Variants in SLC30A9 observed in about 807,000 individuals in gnomAD.
SLC30A9 encodes the protein proton-coupled zinc antiporter SLC30A9, mitochondrial.
SLC30A9 carries 58 observed loss-of-function variants against 87.5 expected under a neutral mutation model. The observed-to-expected ratio is 0.66, with a 90% CI of 0.54 to 0.82. SLC30A9 has a LOEUF of 0.82. Ranked by LOEUF, SLC30A9 falls within the 40% of genes least tolerant of loss-of-function variation. The probability of loss-of-function intolerance (pLI) is 0.00; values close to 1 mark genes in which losing one functional copy is unlikely to be tolerated. For missense variants in SLC30A9, 557 were observed against 679.1 expected, an observed-to-expected ratio of 0.82 and a Z score of 2.00; for synonymous variants, 234 against 233.0, an observed-to-expected ratio of 1.00 and a Z score of -0.04.
At chr4:41,994,469 G>A (rs570456848) in intron 1 of SLC30A9, among the ~76,000 whole-genome samples, 2 of 150,506 alleles carry the variant, frequency 1.3e-5, no homozygotes, top group South Asian at 4.2e-4. Context: ...ATTTGAGAGG[G>A]GAAGACACTT....
intron 14 of SLC30A9, among the ~76,000 whole-genome samples, chr4:42,069,291 T>G (rs756674106): frequency 6.6e-6 from 1 of 152,220 alleles, no homozygotes; most frequent in Non-Finnish European, 1.5e-5. Context: ...AATTAAATTT[T>G]TCTTAATTAG....
At chr4:42,053,946 C>T (rs929948501) in intron 9 of SLC30A9, among the ~76,000 whole-genome samples, 8 of 151,992 alleles carry the variant, frequency 5.3e-5, no homozygotes, top group Non-Finnish European at 1.2e-4. Context: ...AAAATGGTTG[C>T]GTCTGATGTC....
intron 8 of SLC30A9, among the ~76,000 whole-genome samples, chr4:42,048,880 A>G (rs1717273756): frequency 6.6e-6 from 1 of 152,084 alleles, no homozygotes; most frequent in African/African-American, 2.4e-5. Context: ...CATAATCTAT[A>G]TTTTTTCAAA....
intron 2 of SLC30A9, among the ~76,000 whole-genome samples, chr4:42,002,476 T>C (rs185342909): frequency 6.6e-6 from 1 of 152,186 alleles, no homozygotes; most frequent in Admixed American, 6.5e-5. Context: ...TATCTTTATG[T>C]TCATGTGTAC....
Position 42,088,909 on chromosome 4 carries a change from G to A in SLC30A9, c.*2783G>A, listed in dbSNP as rs1047391300. The A allele has an allele frequency of 1.3e-5, 2 of 152,180 alleles. No homozygotes were observed. The highest frequency in any genetic ancestry group is 2.9e-5 in the Non-Finnish European group (2 of 68,042). 9.4% of individuals were successfully genotyped at this position (152,180 alleles called of 1,614,324 possible). ...AATGAGCTATGATCATGCCACTCCA[G>A]CCTGAATGACAGAGTGAGATCCTGT... is the stretch of plus-strand genomic sequence containing the variant. On this transcript the variant is annotated 3_prime_UTR_variant, in exon 18 of 18. Coordinates refer to ENST00000264451, the MANE Select transcript of SLC30A9 (RefSeq NM_006345.4).
chr4:41,990,813 G>A, intron 1 of SLC30A9, 53 bp downstream of exon 1: 1 of 1,321,530 alleles, frequency 7.6e-7, no homozygotes, highest in Non-Finnish European at 1.1e-6. Flanking sequence ...TGGAGGGCCA[G>A]GCTGGGCTCG....
At chr4:42,030,196 A>G in intron 6 of SLC30A9, 1 of 469,242 alleles carries the variant, frequency 2.1e-6, no homozygotes, top group South Asian at 3.1e-5. Context: ...TTAGTCTTGA[A>G]CAAACTGTCA....
intron 3 of SLC30A9, chr4:42,018,503 CAGGTAG>C: frequency 9.3e-7 from 1 of 1,070,624 alleles, no homozygotes. Context: ...TATTCAAATC[CAGGTAG>C]AGTTTGGCCG....
intron 9 of SLC30A9, among the ~76,000 whole-genome samples, chr4:42,051,713 A>G (rs1717391023): frequency 6.6e-6 from 1 of 152,164 alleles, no homozygotes; most frequent in Non-Finnish European, 1.5e-5. Flanking sequence ...GCCACAGACA[A>G]AAAAGATTGA....
At chr4:42,016,285 G>T (rs186033520) in intron 2 of SLC30A9, among the ~76,000 whole-genome samples, 61 of 152,146 alleles carry the variant, frequency 4.0e-4, no homozygotes, top group African/African-American at 1.3e-3. Context: ...TGTTTTAAGG[G>T]TGAGATTTTT....
chr4:42,075,556 C>G (rs1718516561), intron 15 of SLC30A9, 101 bp from the exon 16 acceptor site: 2 of 1,054,576 alleles, frequency 1.9e-6, no homozygotes, highest in Admixed American at 2.4e-5. Flanking sequence ...ATTCTCGTAA[C>G]TAGTGGGGAA....
intron 8 of SLC30A9, among the ~76,000 whole-genome samples, chr4:42,044,923 A>C (rs903077734): frequency 6.6e-6 from 1 of 152,198 alleles, no homozygotes; most frequent in African/African-American, 2.4e-5. Flanking sequence ...AAAACCGCGC[A>C]ACTACATGGA....
At chr4:42,073,756 A>G (rs1718409510) in intron 15 of SLC30A9, among the ~76,000 whole-genome samples, 2 of 152,182 alleles carry the variant, frequency 1.3e-5, no homozygotes, top group Non-Finnish European at 2.9e-5. Flanking sequence ...GGCAATAGAG[A>G]GCGAGTGTGA....
At chr4:42,009,286 C>CAAGACCTTGTGCA (rs1715344810) in intron 2 of SLC30A9, among the ~76,000 whole-genome samples, 1 of 152,108 alleles carries the variant, frequency 6.6e-6, no homozygotes, top group African/African-American at 2.4e-5. Flanking sequence ...ACCTTGTTAG[C>CAAGACCTTGTGCA]CATCAGACAG....
intron 2 of SLC30A9, among the ~76,000 whole-genome samples, chr4:42,008,772 A>T (rs910889044): frequency 3.9e-5 from 6 of 152,344 alleles, no homozygotes; most frequent in Admixed American, 6.5e-5. Flanking sequence ...TTCACAGGGG[A>T]AGATTTTACA....
intron 2 of SLC30A9, among the ~76,000 whole-genome samples, chr4:42,006,052 A>G (rs953170279): frequency 6.6e-6 from 1 of 152,210 alleles, no homozygotes; most frequent in African/African-American, 2.4e-5. Flanking sequence ...TCTTGTCATT[A>G]TTTCCTAAAC....
chr4:42,084,352 T>C (rs1189857116), intron 17 of SLC30A9, among the ~76,000 whole-genome samples: 2 of 152,216 alleles, frequency 1.3e-5, no homozygotes, highest in African/African-American at 4.8e-5. Flanking sequence ...GGTGTAGATT[T>C]AGTTCTTTTA....
chr4:42,001,911 A>G (rs759923553), intron 2 of SLC30A9, 131 bp downstream of exon 2: 3 of 575,078 alleles, frequency 5.2e-6, no homozygotes, highest in Admixed American at 7.8e-5. Flanking sequence ...TGTGGGAACT[A>G]TTAAAGCACT....
chr4:42,041,240 A>G (rs1161333672), intron 8 of SLC30A9, among the ~76,000 whole-genome samples: 2 of 152,192 alleles, frequency 1.3e-5, no homozygotes, highest in African/African-American at 4.8e-5. Context: ...TGGGAGACAC[A>G]GAGCCAAACC....
Sources: gnomAD v4.1 joint callset for allele counts (sites outside exome capture counted in the v4.1 genomes callset) on GRCh38, gnomAD v4.1.1 for gene constraint, MANE v1.5 for transcripts, NCBI Gene and HGNC (gene_info 2026-07-23, HGNC 2026-07-21) for gene names.